The following MYOM3 variants were observed in gnomAD, a reference collection of about 807,000 sequenced individuals.
MYOM3 encodes myomesin-3.
Under a neutral mutation model 191.7 loss-of-function variants are expected in MYOM3, and 155 were observed. The ratio of observed to expected loss-of-function variants is 0.81; its 90% CI spans 0.71 to 0.92. The LOEUF is 0.92. Ranked by LOEUF, MYOM3 falls within the 40% of genes least tolerant of loss-of-function variation. The pLI is 0.00. For missense variants in MYOM3, 1,889 were observed against 1,890.6 expected (o/e 1.00, Z 0.02); for synonymous variants, 757 against 762.9 (o/e 0.99, Z 0.13).
rs997457621 is a variant in MYOM3, at chr1:24,095,728, C to T, written c.746-242G>A. ...ACATGAATCAAGCCACCAGCCATAG[C>T]CTGACACATGGCAGGTTCTCAATAC... On this transcript the variant is annotated intron_variant, in intron 7 of 36. Coordinates refer to ENST00000374434, the MANE Select transcript of MYOM3 (RefSeq NM_152372.4). Among the ~76,000 whole-genome samples, 6 of 152,252 alleles carry T rather than the reference C, an allele frequency of 3.9e-5. No homozygotes were observed. The South Asian group carries it at 1.2e-3, about 32-fold the overall frequency.
chr1:24,101,991 C>G (rs1643940509), intron 5 of MYOM3, among the ~76,000 whole-genome samples: 1 of 152,136 alleles, frequency 6.6e-6, no homozygotes, highest in African/African-American at 2.4e-5. Flanking sequence ...TGACCTTAGG[C>G]AACTCCATAC....
chr1:24,076,756 C>T (rs1643605835), intron 20 of MYOM3, among the ~76,000 whole-genome samples: 2 of 69,004 alleles, frequency 2.9e-5, no homozygotes, highest in Non-Finnish European at 7.1e-5. Flanking sequence ...CCTCGTGATC[C>T]GCCCGCCTCG....
chr1:24,077,703 G>A (rs1643618853), intron 20 of MYOM3, among the ~76,000 whole-genome samples: 1 of 152,210 alleles, frequency 6.6e-6, no homozygotes, highest in Non-Finnish European at 1.5e-5. Flanking sequence ...CCTAGGAATT[G>A]GTCCAGGCCT....
chr1:24,103,655 C>A (rs1643958246), intron 5 of MYOM3, among the ~76,000 whole-genome samples: 1 of 152,162 alleles, frequency 6.6e-6, no homozygotes, highest in Non-Finnish European at 1.5e-5. Context: ...TTGTGAAGAC[C>A]CTGTTTCTCT....
At chr1:24,070,394 C>T in intron 25 of MYOM3, among the ~76,000 whole-genome samples, 1 of 149,004 alleles carries the variant, frequency 6.7e-6, no homozygotes, top group Non-Finnish European at 1.5e-5. Context: ...GCAGCCTGGG[C>T]AACAAGGCAA....
At chr1:24,064,180 T>C in intron 29 of MYOM3, 21 bp from the exon 30 acceptor site, 1 of 1,599,604 alleles carries the variant, frequency 6.3e-7, no homozygotes. Context: ...GGATGAGCGA[T>C]GGTGGTGTCA....
chr1:24,066,799 G>C (rs926352481), intron 28 of MYOM3: 13 of 530,210 alleles, frequency 2.5e-5, no homozygotes, highest in East Asian at 2.1e-4. Context: ...CTCGTTCAAG[G>C]CTGGTCCACC....
intron 27 of MYOM3, among the ~76,000 whole-genome samples, chr1:24,067,719 C>T (rs1643471219): frequency 6.6e-6 from 1 of 152,134 alleles, no homozygotes; most frequent in Non-Finnish European, 1.5e-5. Context: ...ACCTTGGCCT[C>T]CCAAAGTGCT....
In MYOM3 at chr1:24,062,049, C is replaced by A; in HGVS notation, c.3831G>T (p.Trp1277Cys). ...IRTGTTLDEI[W>C]LHILDPKDSD... is the part of the protein sequence containing the mutation. ...AGTCTTTGGGGTCCAGGATGTGAAG[C>A]CAGATCTCATCCAGGGTGGTGCCCG... The change falls in exon 33 of 37, where the codon TGG becomes TGT. Residue 1277 changes from tryptophan (W) to cysteine (C), a missense_variant. Transcript: ENST00000374434. 6.2e-7 allele frequency: 1 copy of A among 1,614,136 alleles called. No individual in the cohort carries two copies. The highest frequency in any genetic ancestry group is 1.1e-5 in the South Asian group (1 of 91,078).
At chr1:24,091,170 C>G (rs191767285) in intron 11 of MYOM3, among the ~76,000 whole-genome samples, 174 bp from the exon 12 acceptor site, 1 of 152,216 alleles carries the variant, frequency 6.6e-6, no homozygotes, top group Non-Finnish European at 1.5e-5. Context: ...CCCGGGAGAC[C>G]TTTTCACCAT....
intron 20 of MYOM3, among the ~76,000 whole-genome samples, chr1:24,077,794 G>A (rs952398573): frequency 3.9e-5 from 6 of 152,188 alleles, no homozygotes; most frequent in Non-Finnish European, 5.9e-5. Flanking sequence ...TGCAGAAGCC[G>A]GTGCCAGATC....
chr1:24,058,952 G>A lies in MYOM3; in HGVS notation c.4022C>T (p.Pro1341Leu), dbSNP rs961510485. The A allele has an allele frequency of 1.9e-5, 31 of 1,611,822 alleles. No individual in the cohort carries two copies. Among genetic ancestry groups the A allele is most frequent in the Admixed American group, 5.0e-5 (3 of 59,760 alleles). ...ATCTTCCATGATAGTGGCCACATCC[G>A]GCAGACCTCTCACCACTTTGGCACG... ...KNRAKVVRGL[P>L]DVATIMEDKT... The change falls in exon 36 of 37, where the codon CCG becomes CTG. Residue 1341 changes from proline to leucine, a missense_variant. Coordinates refer to ENST00000374434, the MANE Select transcript of MYOM3 (RefSeq NM_152372.4).
intron 5 of MYOM3, among the ~76,000 whole-genome samples, chr1:24,103,189 G>C (rs2148560843): frequency 6.6e-6 from 1 of 152,384 alleles, no homozygotes; most frequent in Non-Finnish European, 1.5e-5. Context: ...GCCGCGCAGA[G>C]CTTGGCTGCG....
Position 24,089,621 on chromosome 1 carries a change from C to T in MYOM3, c.1531G>A (p.Glu511Lys), listed in dbSNP as rs535235744. ...AGAACCACATAGGCCTCTCGGATCT[C>T]GCTGGCATGGACATTGGTTGGCGGT... is the stretch of plus-strand genomic sequence containing the variant. ...PSPPTNVHAS[E>K]IREAYVVLAW... Residue 511 changes from glutamate (E) to lysine (K), a missense_variant, in exon 14 of 37, where the codon GAG (glutamate) becomes AAG (lysine). Transcript: ENST00000374434. 6.5e-5 allele frequency: 103 copies of T among 1,594,454 alleles called. No homozygotes were observed. Among genetic ancestry groups the T allele is most frequent in the South Asian group, 5.1e-4 (45 of 87,404 alleles).
rs1421199350 is a variant in MYOM3, at chr1:24,090,794, C to T, written c.1432+3G>A. On this transcript the variant is annotated splice_donor_region_variant and intron_variant, in intron 12 of 36. Transcript: ENST00000374434. ...GAAAGTCGCTTAGGACCTCTGTACC[C>T]ACCTGTCTTCCTCCGGGCTGCATCA... is the stretch of plus-strand genomic sequence containing the variant. 1.2e-6 allele frequency: 2 copies of T among 1,614,040 alleles called. No homozygotes were observed. The highest frequency in any genetic ancestry group is 3.3e-5 in the Admixed American group (2 of 60,022).
intron 25 of MYOM3, among the ~76,000 whole-genome samples, 195 bp from the exon 26 acceptor site, chr1:24,068,562 T>G (rs1488780139): frequency 6.6e-6 from 1 of 151,986 alleles, no homozygotes; most frequent in Non-Finnish European, 1.5e-5. Flanking sequence ...GTTACAATTT[T>G]TTGTTGTTGT....
rs1012254133 is a variant in MYOM3, at chr1:24,058,833, T to A, written c.4050+91A>T. 6.1e-6 allele frequency: 6 copies of A among 978,334 alleles called. No individual in the cohort carries two copies. The African/African-American group carries it at 9.5e-5, about 16-fold the overall frequency. 60.6% of individuals were successfully genotyped at this position (978,334 alleles called of 1,614,324 possible). The stretch of plus-strand genomic sequence containing the variant: ...CACTTGGCCACTCTTTGGCTTTGAA[T>A]CCATGGTGCTGCATTGTTTCGTGAT... On this transcript the variant is annotated intron_variant, in intron 36 of 36. Transcript: ENST00000374434.
intron 1 of MYOM3, among the ~76,000 whole-genome samples, chr1:24,110,216 C>T (rs533645178): frequency 1.2e-4 from 18 of 152,292 alleles, no homozygotes; most frequent in Admixed American, 2.0e-4. Flanking sequence ...AGGGTTCCTG[C>T]CCAGGCGTGG....
intron 21 of MYOM3, 52 bp from the exon 22 acceptor site, chr1:24,075,527 G>C: frequency 6.7e-7 from 1 of 1,497,290 alleles, no homozygotes; most frequent in Non-Finnish European, 8.9e-7. Flanking sequence ...TAATAAACCA[G>C]GTCACACCCC....
Sources: gnomAD v4.1 joint callset for allele counts (sites outside exome capture counted in the v4.1 genomes callset) on GRCh38, gnomAD v4.1.1 for gene constraint, MANE v1.5 for transcripts, NCBI Gene and HGNC (gene_info 2026-07-23, HGNC 2026-07-21) for gene names.